The following CADPS2 variants were observed in gnomAD, a reference collection of about 807,000 sequenced individuals.
CADPS2 encodes calcium-dependent secretion activator 2.
A neutral mutation model predicts 172.5 loss-of-function variants in CADPS2; 93 were observed. That is an observed-to-expected ratio of 0.54 (90% CI 0.46 to 0.64). The LOEUF is 0.64. Ranked by LOEUF, CADPS2 falls within the 30% of genes least tolerant of loss-of-function variation. The pLI is 0.00. For missense variants in CADPS2, 1,420 were observed against 1,565.9 expected (o/e 0.91, Z 1.57); for synonymous variants, 546 against 555.2 (o/e 0.98, Z 0.23).
intron 19 of CADPS2, among the ~76,000 whole-genome samples, chr7:122,409,806 C>T (rs2047084776): frequency 6.6e-6 from 1 of 152,116 alleles, no homozygotes; most frequent in South Asian, 2.1e-4. Flanking sequence ...GGTATTACTT[C>T]CTGTGGGGTG....
chr7:122,836,249 A>T (rs189121704), intron 1 of CADPS2, among the ~76,000 whole-genome samples: 31 of 152,324 alleles, frequency 2.0e-4, no homozygotes, highest in African/African-American at 7.2e-4. Context: ...TGTCACCACC[A>T]GGCCTGCCCT....
At chr7:122,415,779 C>T (rs2047828156) in intron 18 of CADPS2, among the ~76,000 whole-genome samples, 2 of 152,050 alleles carry the variant, frequency 1.3e-5, no homozygotes, top group Admixed American at 6.6e-5. Flanking sequence ...TGGCACAGAT[C>T]CCATCAGTGT....
At chr7:122,689,034 T>C (rs1219903775) in intron 2 of CADPS2, among the ~76,000 whole-genome samples, 1 of 152,094 alleles carries the variant, frequency 6.6e-6, no homozygotes, top group Non-Finnish European at 1.5e-5. Context: ...GTCCTTTTAG[T>C]GAGGACCGGT....
At chr7:122,459,703 T>C (rs2054222184) in intron 14 of CADPS2, among the ~76,000 whole-genome samples, 1 of 152,218 alleles carries the variant, frequency 6.6e-6, no homozygotes, top group Non-Finnish European at 1.5e-5. Flanking sequence ...AATTTTAAAC[T>C]TACTTAAGAA....
At chr7:122,776,915 C>T (rs897810110) in intron 1 of CADPS2, among the ~76,000 whole-genome samples, 2 of 152,102 alleles carry the variant, frequency 1.3e-5, no homozygotes, top group Non-Finnish European at 2.9e-5. Context: ...CTTTGGGAGA[C>T]AGAGGCAGGA....
intron 1 of CADPS2, among the ~76,000 whole-genome samples, chr7:122,784,961 G>T (rs1242025175): frequency 1.3e-5 from 2 of 151,212 alleles, no homozygotes; most frequent in Non-Finnish European, 2.9e-5. Flanking sequence ...TTCATTTCAG[G>T]TCCCTGGAAT....
At chr7:122,368,191 T>A (rs1286050733) in intron 25 of CADPS2, 1 of 152,246 alleles carries the variant, frequency 6.6e-6, no homozygotes, top group African/African-American at 2.4e-5. Flanking sequence ...GGCATTTTCA[T>A]TGCTATATAT....
At chr7:122,869,302 CAA>C (rs1362841131) in intron 1 of CADPS2, among the ~76,000 whole-genome samples, 6 of 151,762 alleles carry the variant, frequency 4.0e-5, no homozygotes, top group African/African-American at 1.5e-4. Context: ...AAAGTGAAAA[CAA>C]AGAGAAAATA....
intron 1 of CADPS2, among the ~76,000 whole-genome samples, chr7:122,802,135 A>G (rs1797788758): frequency 6.6e-6 from 1 of 152,194 alleles, no homozygotes. Flanking sequence ...CATTAAAAAA[A>G]CTCAAATAAG....
At chr7:122,809,207 G>A (rs1799461213) in intron 1 of CADPS2, among the ~76,000 whole-genome samples, 2 of 152,112 alleles carry the variant, frequency 1.3e-5, no homozygotes, top group African/African-American at 2.4e-5. Context: ...TAAGACAAAA[G>A]TGTGCTCCCT....
chr7:122,407,407 G>T, intron 20 of CADPS2, 133 bp downstream of exon 20: 2 of 941,118 alleles, frequency 2.1e-6, no homozygotes, highest in Non-Finnish European at 3.1e-6. Flanking sequence ...TAATCGGGCA[G>T]GCTGAGCAAA....
rs563211731 is a variant in CADPS2 at position 122,333,784 on chromosome 7, T to A, written c.3613-8203A>T. Among the ~76,000 whole-genome samples the A allele has an allele frequency of 3.3e-5, 5 of 152,290 alleles. No homozygotes were observed. The South Asian group carries it at 1.0e-3, about 32-fold the overall frequency. On this transcript the variant is annotated intron_variant, in intron 28 of 29. Coordinates refer to ENST00000449022, the MANE Select transcript of CADPS2 (RefSeq NM_017954.11). ...GTATACACAAGGCTTTAACTGAATC[T>A]TACTTGTATTGCTATCTCCAGCCCT...
intron 2 of CADPS2, among the ~76,000 whole-genome samples, chr7:122,728,518 T>A (rs956296168): frequency 6.6e-6 from 1 of 151,682 alleles, no homozygotes; most frequent in Non-Finnish European, 1.5e-5. Flanking sequence ...GACTAGGAAG[T>A]AAGAGTGTGT....
At chr7:122,576,064 C>T (rs1587491289) in intron 7 of CADPS2, among the ~76,000 whole-genome samples, 1 of 152,152 alleles carries the variant, frequency 6.6e-6, no homozygotes, top group Admixed American at 6.6e-5. Flanking sequence ...CAATCCAGGG[C>T]AGCATATTGC....
intron 1 of CADPS2, among the ~76,000 whole-genome samples, chr7:122,841,517 T>C (rs1420351759): frequency 1.3e-5 from 2 of 152,230 alleles, no homozygotes; most frequent in African/African-American, 4.8e-5. Context: ...GCTATAGTAG[T>C]GATAAATTTT....
chr7:122,432,100 G>A (rs999725918), intron 17 of CADPS2, among the ~76,000 whole-genome samples: 1 of 151,990 alleles, frequency 6.6e-6, no homozygotes, highest in Non-Finnish European at 1.5e-5. Flanking sequence ...ACGCAGCTGA[G>A]GTGTTTATCA....
At chr7:122,870,098 A>C (rs1041871597) in intron 1 of CADPS2, among the ~76,000 whole-genome samples, 1 of 152,078 alleles carries the variant, frequency 6.6e-6, no homozygotes, top group African/African-American at 2.4e-5. Flanking sequence ...ATCCTTACCT[A>C]TCAATAATGA....
chr7:122,514,272 T>C (rs1253863782), intron 8 of CADPS2, among the ~76,000 whole-genome samples: 1 of 152,090 alleles, frequency 6.6e-6, no homozygotes, highest in Non-Finnish European at 1.5e-5. Flanking sequence ...TATTCTGAAA[T>C]GAAGGATTAA....
At chr7:122,567,500 A>G (rs1419312095) in intron 7 of CADPS2, among the ~76,000 whole-genome samples, 1 of 152,084 alleles carries the variant, frequency 6.6e-6, no homozygotes, top group African/African-American at 2.4e-5. Flanking sequence ...AACAATTCTG[A>G]TTTTGTTCAA....
Sources: gnomAD v4.1 joint callset for allele counts (sites outside exome capture counted in the v4.1 genomes callset) on GRCh38, gnomAD v4.1.1 for gene constraint, MANE v1.5 for transcripts, NCBI Gene and HGNC (gene_info 2026-07-23, HGNC 2026-07-21) for gene names.